Variants in EPHB1 observed in about 807,000 individuals in gnomAD.
The protein encoded by EPHB1 is EPH receptor B1, also known as ephrin type-B receptor 1.
Under a neutral mutation model 94.4 loss-of-function variants are expected in EPHB1, and 30 were observed. The ratio of observed to expected loss-of-function variants is 0.32; its 90% CI spans 0.24 to 0.43. The LOEUF (loss-of-function observed/expected upper bound fraction) is 0.43. Among genes scored for constraint, EPHB1 ranks in the 20% least tolerant of loss-of-function variants. The probability of loss-of-function intolerance (pLI) is 1.00; values close to 1 mark genes in which losing one functional copy is unlikely to be tolerated. For synonymous variants in EPHB1, 522 were observed against 489.1 expected (o/e 1.07, Z -0.89); for missense variants, 1,055 against 1,308.3 (o/e 0.81, Z 2.99).
chr3:135,021,983 T>G (rs1559798151), intron 3 of EPHB1, among the ~76,000 whole-genome samples: 1 of 152,014 alleles, frequency 6.6e-6, no homozygotes, highest in African/African-American at 2.4e-5. Flanking sequence ...TTGTGTTTTG[T>G]TTGTTTGTTT....
intron 1 of EPHB1, among the ~76,000 whole-genome samples, chr3:134,803,551 C>T (rs1337766333): frequency 6.6e-6 from 1 of 152,190 alleles, no homozygotes; most frequent in Non-Finnish European, 1.5e-5. Flanking sequence ...AGGAGTCCTA[C>T]AGGCTGGCAA....
At chr3:135,216,154 C>A (rs1487452302) in intron 12 of EPHB1, among the ~76,000 whole-genome samples, 1 of 152,152 alleles carries the variant, frequency 6.6e-6, no homozygotes, top group Non-Finnish European at 1.5e-5. Flanking sequence ...GCCCACCCAG[C>A]CATCACGTTG....
At chr3:134,921,236 T>G (rs1361375025) in intron 1 of EPHB1, among the ~76,000 whole-genome samples, 1 of 152,126 alleles carries the variant, frequency 6.6e-6, no homozygotes, top group Admixed American at 6.5e-5. Context: ...CCCCTCCCAC[T>G]GTTGCTTTTA....
At chr3:135,142,380 C>G (rs991561751) in intron 5 of EPHB1, among the ~76,000 whole-genome samples, 4 of 152,146 alleles carry the variant, frequency 2.6e-5, no homozygotes, top group African/African-American at 9.7e-5. Flanking sequence ...ACAGCAGGCC[C>G]TACAAGAAAC....
At chr3:134,909,120 G>GGAGGT (rs1553864851) in intron 1 of EPHB1, among the ~76,000 whole-genome samples, 1 of 110,574 alleles carries the variant, frequency 9.0e-6, no homozygotes, top group African/African-American at 3.6e-5. Flanking sequence ...GGGGGCGGGG[G>GGAGGT]GCGGGCTGGA....
intron 1 of EPHB1, among the ~76,000 whole-genome samples, chr3:134,890,887 T>G (rs191940142): frequency 1.3e-5 from 2 of 152,344 alleles, no homozygotes; most frequent in East Asian, 3.9e-4. Context: ...TAAAAACCAT[T>G]GCTTTCTATA....
At chr3:135,004,650 G>C (rs1348834601) in intron 3 of EPHB1, among the ~76,000 whole-genome samples, 2 of 151,552 alleles carry the variant, frequency 1.3e-5, no homozygotes, top group African/African-American at 2.4e-5. Context: ...TGGAGGCTTT[G>C]CTCGTTTCTT....
chr3:134,884,626 G>T (rs750662342), intron 1 of EPHB1, among the ~76,000 whole-genome samples: 1 of 152,162 alleles, frequency 6.6e-6, no homozygotes, highest in Non-Finnish European at 1.5e-5. Flanking sequence ...TAAGCAACAG[G>T]ATAAAATTTA....
In EPHB1 at chr3:134,888,567, G is replaced by T. The variant is rs552340994; in HGVS notation, c.59-37249G>T. On this transcript the variant is annotated intron_variant, in intron 1 of 15. Transcript: ENST00000398015. ...TACTAAAAATACAAAAATTAGCTGG[G>T]TGTGGTGGCATGTGCCTGTAAGCCC... 7.9e-5 allele frequency among the ~76,000 whole-genome samples: 12 copies of T among 152,250 alleles called. 2 individuals carry two copies. The highest frequency in any genetic ancestry group is 2.9e-4 in the African/African-American group (12 of 41,534).
chr3:134,806,508 C>G (rs534846345), intron 1 of EPHB1, among the ~76,000 whole-genome samples: 1 of 152,266 alleles, frequency 6.6e-6, no homozygotes, highest in Admixed American at 6.5e-5. Flanking sequence ...GTAGGGAGAG[C>G]CAAGCTTTCC....
At chr3:134,894,104 A>C (rs1422406211) in intron 1 of EPHB1, among the ~76,000 whole-genome samples, 1 of 152,148 alleles carries the variant, frequency 6.6e-6, no homozygotes, top group East Asian at 1.9e-4. Flanking sequence ...CTTCCTACCA[A>C]AGCAGGGATT....
chr3:135,155,297 GGTAAGATCTGAGTAAACCTGAAGAAA>G (rs1320287198), intron 6 of EPHB1, among the ~76,000 whole-genome samples: 1 of 152,108 alleles, frequency 6.6e-6, no homozygotes, highest in East Asian at 1.9e-4. Flanking sequence ...TCTTGGAGAA[GGTAAGATCTGAGTAAACCTGAAGAAA>G]GTAAGATCGT....
chr3:134,950,983 C>T (rs1268343363), intron 2 of EPHB1, among the ~76,000 whole-genome samples: 3 of 152,118 alleles, frequency 2.0e-5, no homozygotes, highest in African/African-American at 4.8e-5. Flanking sequence ...AGTAATTGGA[C>T]CCCCAATCCA....
chr3:135,235,444 G>A (rs778041707), intron 12 of EPHB1, among the ~76,000 whole-genome samples: 1 of 152,076 alleles, frequency 6.6e-6, no homozygotes, highest in Non-Finnish European at 1.5e-5. Context: ...CCCTCCAGTA[G>A]GTTCTGATAC....
intron 4 of EPHB1, among the ~76,000 whole-genome samples, chr3:135,118,437 C>A (rs1348086746): frequency 6.6e-6 from 1 of 152,230 alleles, no homozygotes; most frequent in Non-Finnish European, 1.5e-5. Context: ...ACAGGTATTA[C>A]AACTGGTTCC....
intron 3 of EPHB1, among the ~76,000 whole-genome samples, chr3:134,977,782 C>T (rs190527516): frequency 1.3e-5 from 2 of 152,288 alleles, no homozygotes; most frequent in Admixed American, 1.3e-4. Flanking sequence ...CTAGAGCCCA[C>T]AGTTTGCTCC....
intron 3 of EPHB1, among the ~76,000 whole-genome samples, chr3:135,068,083 C>T (rs1937607344): frequency 6.6e-6 from 1 of 152,162 alleles, no homozygotes; most frequent in African/African-American, 2.4e-5. Context: ...AGGAGCAGGT[C>T]ACTTCCTTCA....
intron 1 of EPHB1, among the ~76,000 whole-genome samples, chr3:134,813,297 C>T (rs1205572097): frequency 6.6e-6 from 1 of 152,150 alleles, no homozygotes. Flanking sequence ...AATCTCATCT[C>T]CATCACACTG....
chr3:135,204,213 T>A (rs543218987), intron 12 of EPHB1, among the ~76,000 whole-genome samples: 3 of 152,250 alleles, frequency 2.0e-5, no homozygotes, highest in African/African-American at 7.2e-5. Flanking sequence ...TATTTTTTTT[T>A]ATTTTTTGAG....
Sources: allele counts gnomAD v4.1 joint callset (sites outside exome capture counted in the v4.1 genomes callset), GRCh38; gene constraint gnomAD v4.1.1; transcripts MANE v1.5; gene names NCBI Gene and HGNC (gene_info 2026-07-23, HGNC 2026-07-21).